FGF14: variants seen among roughly 807,000 people sequenced by gnomAD.
FGF14 encodes the protein fibroblast growth factor 14.
Under a neutral mutation model 25.5 loss-of-function variants are expected in FGF14, and 5 were observed. The observed-to-expected ratio is 0.20, with a 90% CI of 0.10 to 0.41. The LOEUF (loss-of-function observed/expected upper bound fraction) is 0.41. Among genes scored for constraint, FGF14 ranks in the 10% least tolerant of loss-of-function variants. FGF14 has a pLI of 1.00. For synonymous variants in FGF14, 138 were observed against 118.3 expected (o/e 1.17, Z -1.08); for missense variants, 222 against 320.1 (o/e 0.69, Z 2.34).
Position 102,168,207 on chromosome 13 carries a change from T to C in FGF14, c.208+233264A>G, listed in dbSNP as rs115903670. Among the ~76,000 whole-genome samples, 1,478 of 152,254 alleles carry C rather than the reference T, an allele frequency of 9.7e-3. 27 individuals carry two copies. Among genetic ancestry groups the C allele is most frequent in the African/African-American group, 0.033 (1,390 of 41,558 alleles). On this transcript the variant is annotated intron_variant, in intron 1 of 4. Coordinates refer to the FGF14 transcript ENST00000376131. Reference sequence around the variant, plus strand: ...TAATAGAAACCACGTGCTTTGACAGTGTAAACATTTCCTGAAGAATGAAGA... The same window carrying C: ...TAATAGAAACCACGTGCTTTGACAGCGTAAACATTTCCTGAAGAATGAAGA...
At chr13:102,258,945 A>C (rs1229025648) in intron 1 of FGF14, among the ~76,000 whole-genome samples, 1 of 152,188 alleles carries the variant, frequency 6.6e-6, no homozygotes, top group East Asian at 1.9e-4. Context: ...CCTCCCAGGA[A>C]GTTAATAGAT....
intron 3 of FGF14, among the ~76,000 whole-genome samples, chr13:101,739,111 G>GTA (rs3064690): frequency 0.017 from 2,314 of 137,914 alleles, 40 homozygotes; most frequent in African/African-American, 0.052. Context: ...ATATATACAT[G>GTA]TATATATATA....
At chr13:102,263,528 C>T (rs1262893434) in intron 1 of FGF14, among the ~76,000 whole-genome samples, 4 of 152,078 alleles carry the variant, frequency 2.6e-5, no homozygotes, top group Non-Finnish European at 5.9e-5. Context: ...AATTCAATAC[C>T]AATATTCTCA....
At chr13:101,858,242 A>AG (rs904307271) in intron 3 of FGF14, among the ~76,000 whole-genome samples, 3 of 151,318 alleles carry the variant, frequency 2.0e-5, no homozygotes, top group African/African-American at 7.3e-5. Flanking sequence ...AAAAAAAAAA[A>AG]AGGAAAATAA....
chr13:102,250,149 C>G (rs1401290314), intron 1 of FGF14, among the ~76,000 whole-genome samples: 1 of 152,164 alleles, frequency 6.6e-6, no homozygotes, highest in East Asian at 1.9e-4. Context: ...GCCAAGCTGA[C>G]AGAAAGAAAC....
chr13:102,324,293 G>C (rs2056349630), intron 1 of FGF14, among the ~76,000 whole-genome samples: 1 of 152,008 alleles, frequency 6.6e-6, no homozygotes, highest in Non-Finnish European at 1.5e-5. Context: ...TGAAGAGCTT[G>C]GGCTCTAGGG....
rs1236692102 is a variant in FGF14, at chr13:102,401,326, CATGCAACACCTCTAT to C, written c.208+130_208+144del. On this transcript the variant is annotated intron_variant, in intron 1 of 4. Transcript: ENST00000376131. The stretch of plus-strand genomic sequence containing the variant: ...CCGATCCAGCTGTTACTTGTTTATT[CATGCAACACCTCTAT>C]ATGCAACACTGTCCTGGTTCCTGGT... 9 of 755,460 alleles carry C rather than the reference CATGCAACACCTCTAT, an allele frequency of 1.2e-5. No homozygotes were observed. The Admixed American group carries it at 1.8e-4, about 15-fold the overall frequency. 46.8% of individuals were successfully genotyped at this position (755,460 alleles called of 1,614,324 possible). A position where few individuals can be genotyped will look rare whatever the true frequency, so the allele number is the denominator to read the frequency against.
intron 1 of FGF14, among the ~76,000 whole-genome samples, chr13:102,201,823 C>T (rs1439108769): frequency 6.6e-6 from 1 of 152,144 alleles, no homozygotes; most frequent in Admixed American, 6.5e-5. Context: ...ATTTCTGTTA[C>T]TGGGGGACGG....
At chr13:101,757,025 G>A (rs924783585) in intron 3 of FGF14, among the ~76,000 whole-genome samples, 7 of 152,126 alleles carry the variant, frequency 4.6e-5, no homozygotes, top group African/African-American at 1.7e-4. Context: ...ATTGAACTCT[G>A]ATATCAAACC....
chr13:101,878,837 G>A (rs1005068287), intron 1 of FGF14, among the ~76,000 whole-genome samples: 1 of 151,928 alleles, frequency 6.6e-6, no homozygotes, highest in Non-Finnish European at 1.5e-5. Flanking sequence ...ATGTATTAAT[G>A]TAATATGTAA....
upstream of FGF14, among the ~76,000 whole-genome samples, chr13:101,919,819 C>T (rs1482191103): frequency 6.6e-6 from 1 of 152,182 alleles, no homozygotes; most frequent in Non-Finnish European, 1.5e-5. Flanking sequence ...GAACACAAAG[C>T]CTTTCAGCTT....
At chr13:102,137,396 A>G (rs75679365) in intron 1 of FGF14, among the ~76,000 whole-genome samples, 8,526 of 152,278 alleles carry the variant, frequency 0.056, 289 homozygotes, top group Middle Eastern at 0.17. Flanking sequence ...TCGAAACTAC[A>G]CATAGTTGTC....
chr13:102,017,614 C>T (rs1186863143), intron 1 of FGF14, among the ~76,000 whole-genome samples: 1 of 152,116 alleles, frequency 6.6e-6, no homozygotes, highest in Non-Finnish European at 1.5e-5. Flanking sequence ...ATCAATCTTA[C>T]TAGGTACTCA....
At chr13:102,258,898 C>A (rs1469319499) in intron 1 of FGF14, among the ~76,000 whole-genome samples, 1 of 152,150 alleles carries the variant, frequency 6.6e-6, no homozygotes, top group Non-Finnish European at 1.5e-5. Context: ...AGTTGATTAA[C>A]CTGTGATCCA....
At chr13:101,982,047 A>G (rs978412393) in intron 1 of FGF14, among the ~76,000 whole-genome samples, 2 of 152,192 alleles carry the variant, frequency 1.3e-5, no homozygotes, top group Admixed American at 1.3e-4. Context: ...AGTGGGACCA[A>G]TGCTGTTCTC....
intron 3 of FGF14, among the ~76,000 whole-genome samples, chr13:101,823,232 T>C (rs1403750354): frequency 6.6e-6 from 1 of 151,952 alleles, no homozygotes; most frequent in East Asian, 1.9e-4. Flanking sequence ...AGGAGTTGAA[T>C]TGCTGGGTCA....
intron 1 of FGF14, among the ~76,000 whole-genome samples, chr13:102,248,825 A>T (rs533306953): frequency 7.5e-4 from 114 of 152,312 alleles, no homozygotes; most frequent in African/African-American, 2.7e-3. Flanking sequence ...AATGAACAAG[A>T]CAGGCAGTAG....
intron 1 of FGF14, chr13:102,394,900 C>T (rs1595051187): frequency 6.6e-6 from 1 of 152,436 alleles, no homozygotes; most frequent in East Asian, 1.9e-4. Flanking sequence ...CAAATAATGA[C>T]ACACTTCTCT....
chr13:101,870,809 C>T (rs1033137878), intron 2 of FGF14, among the ~76,000 whole-genome samples: 6 of 151,996 alleles, frequency 3.9e-5, no homozygotes, highest in Non-Finnish European at 7.4e-5. Context: ...CAAAATTAGC[C>T]AGGCGTGGTG....
Sources: allele counts gnomAD v4.1 joint callset (sites outside exome capture counted in the v4.1 genomes callset), GRCh38; gene constraint gnomAD v4.1.1; transcripts MANE v1.5; gene names NCBI Gene and HGNC (gene_info 2026-07-23, HGNC 2026-07-21).